CNTN4: variants seen among roughly 807,000 people sequenced by gnomAD.
CNTN4 encodes the protein contactin-4.
Under a neutral mutation model 122.5 loss-of-function variants are expected in CNTN4, and 77 were observed. The ratio of observed to expected loss-of-function variants is 0.63; its 90% CI spans 0.52 to 0.76. The LOEUF is 0.76. CNTN4 is among the 30% of genes least tolerant of loss of function. CNTN4 has a pLI of 0.00. For synonymous variants in CNTN4, 512 were observed against 447.0 expected (o/e 1.15, Z -1.83); for missense variants, 1,256 against 1,259.1 (o/e 1.00, Z 0.04).
chr3:2,883,369 T>C (rs1467497508), intron 9 of CNTN4, 122 bp downstream of exon 9: 3 of 743,992 alleles, frequency 4.0e-6, no homozygotes. Context: ...GCCTTTCTCT[T>C]TGTAATTCTG....
intron 2 of CNTN4, among the ~76,000 whole-genome samples, chr3:2,159,335 T>C (rs2035858174): frequency 6.6e-6 from 1 of 152,168 alleles, no homozygotes; most frequent in African/African-American, 2.4e-5. Flanking sequence ...ATGAACTTTC[T>C]TAATATTTTA....
intron 4 of CNTN4, among the ~76,000 whole-genome samples, chr3:2,602,769 A>G (rs147226824): frequency 6.6e-6 from 1 of 152,228 alleles, no homozygotes; most frequent in Non-Finnish European, 1.5e-5. Context: ...CAAGCATTAT[A>G]TGGTAATAAT....
At chr3:2,712,577 G>A (rs1167571652) in intron 4 of CNTN4, among the ~76,000 whole-genome samples, 2 of 152,158 alleles carry the variant, frequency 1.3e-5, no homozygotes, top group Non-Finnish European at 2.9e-5. Context: ...GTGTAATGTT[G>A]TAAAATATAT....
intron 2 of CNTN4, among the ~76,000 whole-genome samples, chr3:2,294,675 CT>C (rs566759273): frequency 1.3e-5 from 2 of 152,044 alleles, no homozygotes; most frequent in African/African-American, 2.4e-5. Flanking sequence ...CTAATTCTTT[CT>C]TTTTTTAATT....
intron 23 of CNTN4, among the ~76,000 whole-genome samples, chr3:3,046,246 G>A (rs1700638024): frequency 6.6e-6 from 1 of 152,176 alleles, no homozygotes; most frequent in Admixed American, 6.5e-5. Context: ...TAGCAAGGCA[G>A]GCCAACATTC....
At position 2,217,247 on chromosome 3, in the gene CNTN4, T is replaced by C. The variant is rs573928252; in HGVS notation, c.-145+116608T>C. Among the ~76,000 whole-genome samples, 19 of 152,282 alleles carry C rather than the reference T, an allele frequency of 1.2e-4. No individual in the cohort carries two copies. The South Asian group carries it at 1.7e-3, about 13-fold the overall frequency. ...GTCTGCTTTTGGACTTCTGTCTCTA[T>C]TTCTAGAAGGTTGTCCTTTATTTGT... is the stretch of plus-strand genomic sequence containing the variant. On this transcript the variant is annotated intron_variant, in intron 2 of 24. Coordinates refer to ENST00000418658, the MANE Select transcript of CNTN4 (RefSeq NM_175607.3).
intron 4 of CNTN4, among the ~76,000 whole-genome samples, chr3:2,674,586 G>A (rs1028280202): frequency 2.0e-4 from 31 of 152,096 alleles, no homozygotes; most frequent in African/African-American, 6.0e-4. Flanking sequence ...GTGAAATCTC[G>A]TCTCTATTAA....
chr3:2,660,942 A>C (rs1404300786), intron 4 of CNTN4, among the ~76,000 whole-genome samples: 1 of 152,180 alleles, frequency 6.6e-6, no homozygotes, highest in Non-Finnish European at 1.5e-5. Flanking sequence ...ACAACTAGGC[A>C]CCCCTCTAAT....
At chr3:2,920,123 C>T in intron 12 of CNTN4, among the ~76,000 whole-genome samples, 1 of 151,696 alleles carries the variant, frequency 6.6e-6, no homozygotes, top group Non-Finnish European at 1.5e-5. Flanking sequence ...CTTATCCATA[C>T]CAGCATGTAA....
intron 2 of CNTN4, among the ~76,000 whole-genome samples, chr3:2,132,659 T>C (rs2034507065): frequency 6.6e-6 from 1 of 152,178 alleles, no homozygotes; most frequent in Admixed American, 6.5e-5. Flanking sequence ...TCCAAGATTG[T>C]CATCATTTTT....
intron 8 of CNTN4, among the ~76,000 whole-genome samples, chr3:2,877,534 A>G (rs956716823): frequency 1.1e-4 from 17 of 152,256 alleles, no homozygotes; most frequent in African/African-American, 3.4e-4. Flanking sequence ...CATGTATTTC[A>G]TATAGCAGAA....
chr3:2,944,574 A>G (rs972745516), intron 13 of CNTN4, among the ~76,000 whole-genome samples: 5 of 152,168 alleles, frequency 3.3e-5, no homozygotes, highest in African/African-American at 9.7e-5. Flanking sequence ...TTAAACACCT[A>G]CCGAAAACAC....
intron 6 of CNTN4, among the ~76,000 whole-genome samples, chr3:2,776,840 A>G (rs1212847458): frequency 6.6e-6 from 1 of 152,238 alleles, no homozygotes; most frequent in South Asian, 2.1e-4. Flanking sequence ...GGAAACAGAC[A>G]TACCCCCTTC....
chr3:2,326,243 G>A (rs1384046315), intron 2 of CNTN4, among the ~76,000 whole-genome samples: 1 of 152,146 alleles, frequency 6.6e-6, no homozygotes, highest in Admixed American at 6.5e-5. Context: ...CCTTTGAACT[G>A]GGACATTGGC....
chr3:3,014,047 TACACACACACACACACACACAC>T (rs10546128), intron 14 of CNTN4, among the ~76,000 whole-genome samples: 1 of 146,412 alleles, frequency 6.8e-6, no homozygotes, highest in Admixed American at 6.8e-5. Flanking sequence ...CATTTAAATG[TACACACACACACACACACACAC>T]ACACACACAC....
intron 7 of CNTN4, among the ~76,000 whole-genome samples, chr3:2,854,581 G>A (rs1559583875): frequency 6.6e-6 from 1 of 152,028 alleles, no homozygotes; most frequent in Admixed American, 6.6e-5. Flanking sequence ...CTGAAAATTG[G>A]TATTTTCTTA....
intron 17 of CNTN4, among the ~76,000 whole-genome samples, chr3:3,036,905 T>A (rs1248580380): frequency 1.3e-5 from 2 of 152,312 alleles, no homozygotes; most frequent in East Asian, 3.9e-4. Flanking sequence ...GTGATAGTAA[T>A]GATTGAGTCA....
intron 7 of CNTN4, among the ~76,000 whole-genome samples, chr3:2,835,988 C>G (rs2093216653): frequency 6.6e-6 from 1 of 151,976 alleles, no homozygotes; most frequent in South Asian, 2.1e-4. Flanking sequence ...CAAATCTAAT[C>G]AAGAACAAAC....
At chr3:2,896,056 C>G (rs191475224) in intron 10 of CNTN4, among the ~76,000 whole-genome samples, 1 of 151,638 alleles carries the variant, frequency 6.6e-6, no homozygotes, top group African/African-American at 2.4e-5. Context: ...AAATAAAAAT[C>G]AAATCAAATC....
Sources: gnomAD v4.1 joint callset for allele counts (sites outside exome capture counted in the v4.1 genomes callset) on GRCh38, gnomAD v4.1.1 for gene constraint, MANE v1.5 for transcripts, NCBI Gene and HGNC (gene_info 2026-07-23, HGNC 2026-07-21) for gene names.